GFRA2: variants seen among roughly 807,000 people sequenced by gnomAD.
GFRA2 encodes the protein GDNF family receptor alpha 2.
In GFRA2, 17 loss-of-function variants were observed where a neutral mutation model predicts 48.3. The ratio of observed to expected loss-of-function variants is 0.35; its 90% CI spans 0.24 to 0.53. The LOEUF (loss-of-function observed/expected upper bound fraction) is 0.53. Among genes scored for constraint, GFRA2 ranks in the 20% least tolerant of loss-of-function variants. The pLI is 0.93. For synonymous variants in GFRA2, 305 were observed against 257.2 expected (o/e 1.19, Z -1.78); for missense variants, 660 against 637.3 (o/e 1.04, Z -0.38).
intron 3 of GFRA2, among the ~76,000 whole-genome samples, chr8:21,773,471 C>T (rs1806536571): frequency 6.6e-6 from 1 of 152,246 alleles, no homozygotes. Context: ...TGTATCATCC[C>T]TGTTTCAATC....
chr8:21,780,873 G>C (rs1350618631), intron 2 of GFRA2: 1 of 152,230 alleles, frequency 6.6e-6, no homozygotes, highest in African/African-American at 2.4e-5. Context: ...TGTAAGCCCA[G>C]AACTTTGGGA....
At chr8:21,790,313 C>T (rs1807534165), upstream of GFRA2, among the ~76,000 whole-genome samples, 1 of 152,224 alleles carries the variant, frequency 6.6e-6, no homozygotes, top group African/African-American at 2.4e-5. Flanking sequence ...GGGGTACACG[C>T]AGCGCCTCAG....
At position 21,782,857 on chromosome 8, in the gene GFRA2, C is replaced by T; in HGVS notation, c.83G>A (p.Gly28Asp). ...RSLASPSSLQ[G>D]PELHGWRPPV... ...GGGGCGCCAGCCGTGGAGCTCGGGG[C>T]CCTGCAGGGAGGAAGGGCTGGCCAA... The change falls in exon 2 of 9, where the codon GGC becomes GAC. Residue 28 changes from glycine (G) to aspartate (D), a missense_variant. Coordinates refer to ENST00000524240, the MANE Select transcript of GFRA2 (RefSeq NM_001495.5). 6.4e-7 allele frequency: 1 copy of T among 1,568,430 alleles called. No individual in the cohort carries two copies. Among genetic ancestry groups the T allele is most frequent in the Non-Finnish European group, 8.6e-7 (1 of 1,164,214 alleles).
At chr8:21,716,039 T>C (rs1212760154) in intron 4 of GFRA2, among the ~76,000 whole-genome samples, 1 of 152,140 alleles carries the variant, frequency 6.6e-6, no homozygotes, top group Non-Finnish European at 1.5e-5. Context: ...ACAGAAACAT[T>C]CGGCCAGGCG....
intron 4 of GFRA2, among the ~76,000 whole-genome samples, chr8:21,713,693 T>C (rs541904202): frequency 4.6e-5 from 7 of 152,128 alleles, no homozygotes; most frequent in African/African-American, 9.7e-5. Context: ...CTTAGAAATA[T>C]AGATTCTCTA....
intron 4 of GFRA2, among the ~76,000 whole-genome samples, chr8:21,715,274 G>A (rs1803274972): frequency 6.6e-6 from 1 of 152,132 alleles, no homozygotes; most frequent in South Asian, 2.1e-4. Flanking sequence ...CTGGGGAAGA[G>A]GACTTCCTCG....
chr8:21,731,129 T>C (rs1407318138), intron 4 of GFRA2, among the ~76,000 whole-genome samples: 1 of 152,126 alleles, frequency 6.6e-6, no homozygotes, highest in East Asian at 1.9e-4. Flanking sequence ...GAACAAGTGT[T>C]ACTGTCACCA....
chr8:21,705,874 C>A, intron 5 of GFRA2, 58 bp downstream of exon 5: 7 of 1,206,000 alleles, frequency 5.8e-6, no homozygotes, highest in Non-Finnish European at 8.4e-6. Flanking sequence ...CGGCCCCTGC[C>A]CTGCTGAGAT....
intron 4 of GFRA2, among the ~76,000 whole-genome samples, chr8:21,713,057 C>CCA (rs1563222286): frequency 1.5e-5 from 2 of 129,260 alleles, no homozygotes; most frequent in Non-Finnish European, 3.1e-5. Flanking sequence ...GAGAGGGAGA[C>CCA]GAGGGAAAGG....
At chr8:21,765,043 T>G (rs1025509039) in intron 3 of GFRA2, among the ~76,000 whole-genome samples, 18 of 152,176 alleles carry the variant, frequency 1.2e-4, no homozygotes, top group African/African-American at 4.3e-4. Context: ...TTCACTGGCT[T>G]GACTTCTGGG....
intron 4 of GFRA2, among the ~76,000 whole-genome samples, chr8:21,747,827 T>C (rs1486494934): frequency 6.8e-6 from 1 of 146,110 alleles, no homozygotes; most frequent in African/African-American, 2.5e-5. Context: ...AACATGCACA[T>C]GCACACAGGC....
chr8:21,771,269 T>C (rs1184295002), intron 3 of GFRA2, among the ~76,000 whole-genome samples: 3 of 152,234 alleles, frequency 2.0e-5, no homozygotes, highest in African/African-American at 4.8e-5. Flanking sequence ...GCCCGTGCTC[T>C]TCCAGGCACC....
At chr8:21,754,453 G>A (rs915389455) in intron 3 of GFRA2, among the ~76,000 whole-genome samples, 3 of 151,396 alleles carry the variant, frequency 2.0e-5, no homozygotes, top group Non-Finnish European at 4.4e-5. Context: ...GATCAACGAA[G>A]ACTAAGCCAT....
intron 3 of GFRA2, among the ~76,000 whole-genome samples, chr8:21,756,073 C>T (rs1179517967): frequency 6.6e-6 from 1 of 152,184 alleles, no homozygotes; most frequent in African/African-American, 2.4e-5. Context: ...CAGGAGGGAC[C>T]CCAGAGAGGA....
chr8:21,761,033 A>T (rs1805883367), intron 3 of GFRA2, among the ~76,000 whole-genome samples: 1 of 152,140 alleles, frequency 6.6e-6, no homozygotes, highest in Non-Finnish European at 1.5e-5. Flanking sequence ...GGGTAGAGAA[A>T]GGGAGGGTCC....
intron 2 of GFRA2, among the ~76,000 whole-genome samples, chr8:21,777,390 C>G (rs1806758250): frequency 7.8e-6 from 1 of 128,004 alleles, no homozygotes; most frequent in African/African-American, 3.0e-5. Context: ...CTAGGCCAGT[C>G]TGATTAATGG....
intron 4 of GFRA2, among the ~76,000 whole-genome samples, chr8:21,745,823 G>T (rs1408019334): frequency 6.6e-6 from 1 of 152,160 alleles, no homozygotes; most frequent in Non-Finnish European, 1.5e-5. Flanking sequence ...TCTCCTTCCA[G>T]GCCCGGCCCA....
intron 7 of GFRA2, 128 bp downstream of exon 7, chr8:21,702,677 G>C: frequency 1.2e-6 from 1 of 848,794 alleles, no homozygotes; most frequent in East Asian, 3.1e-5. Context: ...ACCCCCGGCA[G>C]CTCCTCCCTG....
At chr8:21,706,102 T>C in intron 4 of GFRA2, 61 bp from the exon 5 acceptor site, 1 of 1,074,646 alleles carries the variant, frequency 9.3e-7, no homozygotes, top group South Asian at 1.4e-5. Context: ...GCCTTCTGTC[T>C]CCTCTGTCCT....
Sources: allele counts gnomAD v4.1 joint callset (sites outside exome capture counted in the v4.1 genomes callset), GRCh38; gene constraint gnomAD v4.1.1; transcripts MANE v1.5; gene names NCBI Gene and HGNC (gene_info 2026-07-23, HGNC 2026-07-21).